Variants in EDA observed in about 807,000 individuals in gnomAD.
EDA encodes ectodysplasin-A.
Under a neutral mutation model 23.6 loss-of-function variants are expected in EDA, and 2 were observed. The ratio of observed to expected loss-of-function variants is 0.08; its 90% CI spans 0.03 to 0.27. The LOEUF (loss-of-function observed/expected upper bound fraction) is 0.27. Among genes scored for constraint, EDA ranks in the 10% least tolerant of loss-of-function variants. The probability of loss-of-function intolerance (pLI) is 1.00; values close to 1 mark genes in which losing one functional copy is unlikely to be tolerated. For missense variants in EDA, 229 were observed against 324.2 expected (o/e 0.71, Z 2.26); for synonymous variants, 131 against 132.0 (o/e 0.99, Z 0.05).
intron 1 of EDA, chrX:69,938,154 T>C (rs1338362790): frequency 1.9e-6 from 1 of 519,364 alleles, no homozygotes; most frequent in African/African-American, 2.4e-5. Flanking sequence ...CCCCTGGCCA[T>C]AGAGACAGCA....
intron 1 of EDA, among the ~76,000 whole-genome samples, chrX:69,692,431 C>T (rs760134206): frequency 9.0e-6 from 1 of 111,166 alleles, no homozygotes; most frequent in Non-Finnish European, 1.9e-5. Flanking sequence ...AAGCAGAAGA[C>T]ATGTTTTGCC....
At chrX:69,971,754 A>G (rs183412686) in intron 2 of EDA, among the ~76,000 whole-genome samples, 1 of 110,605 alleles carries the variant, frequency 9.0e-6, no homozygotes, top group East Asian at 2.8e-4. Context: ...GCTATGTAAC[A>G]AGCCAAAAGA....
chrX:69,704,553 G>C (rs1226862429), intron 1 of EDA, among the ~76,000 whole-genome samples: 4 of 108,477 alleles, frequency 3.7e-5, no homozygotes, highest in East Asian at 2.9e-4. Context: ...ACTTGAACTA[G>C]TTTTCAGGTT....
intron 1 of EDA, among the ~76,000 whole-genome samples, chrX:69,829,721 C>T (rs909380245): frequency 8.9e-6 from 1 of 111,910 alleles, no homozygotes; most frequent in Non-Finnish European, 1.9e-5. Context: ...CATCTTTCTT[C>T]CCAGGGTCTA....
rs190981519 is a variant in EDA, at chrX:69,892,812, T to A, written c.397-64215T>A. 5.4e-5 allele frequency among the ~76,000 whole-genome samples: 6 copies of A among 111,643 alleles called. No individual in the cohort carries two copies. The East Asian group carries it at 1.7e-3, about 31-fold the overall frequency. ...GTGTTCTTCAGGTCATCACTCACTC[T>A]TGTCCCTCTGACACTAAAATGCTTG... is the stretch of plus-strand genomic sequence containing the variant. On this transcript the variant is annotated intron_variant, in intron 1 of 7. Transcript: ENST00000374552.
intron 1 of EDA, among the ~76,000 whole-genome samples, chrX:69,701,166 G>A (rs768240210): frequency 3.6e-5 from 4 of 111,772 alleles, no homozygotes; most frequent in African/African-American, 6.5e-5. Context: ...CCCTTGGCTC[G>A]TATGAAGAGA....
Position 69,742,826 on chromosome X carries a change from T to C in EDA, c.396+126122T>C, listed in dbSNP as rs1483266783. Among the ~76,000 whole-genome samples the C allele has an allele frequency of 3.6e-5, 4 of 111,449 alleles. No individual in the cohort carries two copies. In the Admixed American group the frequency reaches 3.8e-4, roughly 11 times the overall value. ...ATTGGGCTTACCTTGTTTGGTTCTG[T>C]TTTCTTGGGGGTCACAGTCCTGTGC... On this transcript the variant is annotated intron_variant, in intron 1 of 7. Coordinates refer to ENST00000374552, the MANE Select transcript of EDA (RefSeq NM_001399.5).
At chrX:69,697,495 G>A (rs1003651936) in intron 1 of EDA, among the ~76,000 whole-genome samples, 1 of 111,768 alleles carries the variant, frequency 8.9e-6, no homozygotes, top group African/African-American at 3.3e-5. Flanking sequence ...CGTGACATGG[G>A]GGGTGTTGTG....
chrX:69,849,080 TATACACACACACACAC>T lies in EDA; in HGVS notation c.397-107945_397-107930del, dbSNP rs1280992916. 7.4e-4 allele frequency among the ~76,000 whole-genome samples: 63 copies of T among 84,721 alleles called. 1 individual carries two copies. The highest frequency in any genetic ancestry group is 5.5e-3 in the Middle Eastern group (1 of 181). The allele number at this position is 84,721 out of a possible 115,157, so 73.6% of individuals were successfully genotyped here. A position where few individuals can be genotyped will look rare whatever the true frequency, so the allele number is the denominator to read the frequency against. On this transcript the variant is annotated intron_variant, in intron 1 of 7. Coordinates refer to ENST00000374552, the MANE Select transcript of EDA (RefSeq NM_001399.5). ...TTTAATATAATGCACACAAAGTCTA[TATACACACACACACAC>T]ACACACACACACACACACACACACA...
intron 1 of EDA, among the ~76,000 whole-genome samples, chrX:69,659,652 T>G (rs774514304): frequency 5.4e-5 from 6 of 111,998 alleles, no homozygotes; most frequent in Non-Finnish European, 1.1e-4. Flanking sequence ...TGCAACCCAA[T>G]TTTACAGTAA....
chrX:69,631,832 C>T (rs1205845405), intron 1 of EDA, among the ~76,000 whole-genome samples: 1 of 111,261 alleles, frequency 9.0e-6, no homozygotes, highest in Non-Finnish European at 1.9e-5. Flanking sequence ...AAGTTCCTCA[C>T]ATTAGAGAAG....
intron 1 of EDA, among the ~76,000 whole-genome samples, chrX:69,824,264 A>G (rs2147523475): frequency 9.0e-6 from 1 of 110,806 alleles, no homozygotes; most frequent in East Asian, 2.8e-4. Context: ...TGGGGATTGC[A>G]TTGAATCTGT....
chrX:69,983,747 C>G lies in EDA; in HGVS notation c.502+26615C>G, dbSNP rs1245178517. On this transcript the variant is annotated intron_variant, in intron 2 of 7. Coordinates refer to ENST00000374552, the MANE Select transcript of EDA (RefSeq NM_001399.5). ...GACAATTATGTGTCTTGGAGTTGCT[C>G]TTCTCGAGGAGTATCTTTGTGGCGT... 7.2e-5 allele frequency among the ~76,000 whole-genome samples: 6 copies of G among 83,241 alleles called. 1 individual carries two copies. Among genetic ancestry groups the G allele is most frequent in the Admixed American group, 2.9e-4 (2 of 6,830 alleles). The allele number at this position is 83,241 out of a possible 115,157, so 72.3% of individuals were successfully genotyped here.
chrX:70,017,165 T>C lies in EDA; in HGVS notation c.503-6053T>C, dbSNP rs146554123. Among the ~76,000 whole-genome samples, 357 of 111,501 alleles carry C rather than the reference T, an allele frequency of 3.2e-3. 1 individual carries two copies. Among genetic ancestry groups the C allele is most frequent in the Middle Eastern group, 9.3e-3 (2 of 215 alleles). ...CTCCTGAGACTGAGCCAGGAAGAAA[T>C]TGAATCCCTGAACAGACCAATAATG... On this transcript the variant is annotated intron_variant, in intron 2 of 7. Transcript: ENST00000374552.
chrX:69,640,628 GA>G (rs1932829648), intron 1 of EDA, among the ~76,000 whole-genome samples: 1 of 110,944 alleles, frequency 9.0e-6, no homozygotes, highest in Non-Finnish European at 1.9e-5. Flanking sequence ...TGGCACCCCA[GA>G]GACAAAGGCT....
intron 1 of EDA, among the ~76,000 whole-genome samples, chrX:69,867,399 G>T (rs1447325237): frequency 8.9e-6 from 1 of 112,082 alleles, no homozygotes; most frequent in Non-Finnish European, 1.9e-5. Context: ...ACTCAGAGAG[G>T]TTCATTCGCC....
intron 1 of EDA, among the ~76,000 whole-genome samples, chrX:69,651,250 G>T (rs1933094828): frequency 8.9e-6 from 1 of 111,807 alleles, no homozygotes; most frequent in South Asian, 3.7e-4. Flanking sequence ...AATTAGTGCA[G>T]ATGTAGATTT....
At position 69,876,842 on chromosome X, in the gene EDA, A is replaced by G. The variant is rs1430725319; in HGVS notation, c.397-80185A>G. On this transcript the variant is annotated intron_variant, in intron 1 of 7. Transcript: ENST00000374552. ...TATAGTTTATCCATTCACAGGTTGAAGGACATTTAGATTGTTTCCAGTTTT... is the reference window on the plus strand; with the variant it reads ...TATAGTTTATCCATTCACAGGTTGAGGGACATTTAGATTGTTTCCAGTTTT... 1.2e-4 allele frequency among the ~76,000 whole-genome samples: 13 copies of G among 112,688 alleles called. 1 individual carries two copies. The highest frequency in any genetic ancestry group is 4.2e-4 in the African/African-American group (13 of 31,058).
intron 1 of EDA, among the ~76,000 whole-genome samples, chrX:69,731,870 A>G (rs1184307450): frequency 8.9e-6 from 1 of 112,141 alleles, no homozygotes; most frequent in Non-Finnish European, 1.9e-5. Context: ...ATCTTTCGCC[A>G]TTAAATATCA....
Sources: allele counts gnomAD v4.1 joint callset (sites outside exome capture counted in the v4.1 genomes callset), GRCh38; gene constraint gnomAD v4.1.1; transcripts MANE v1.5; gene names NCBI Gene and HGNC (gene_info 2026-07-23, HGNC 2026-07-21).